Variants in ABCA13 observed in about 807,000 individuals in gnomAD.
The protein encoded by ABCA13 is ATP-binding cassette sub-family A member 13.
A neutral mutation model predicts 478.7 loss-of-function variants in ABCA13; 476 were observed. The observed-to-expected ratio is 0.99, with a 90% CI of 0.92 to 1.07. The LOEUF is 1.07. Among genes scored for constraint, ABCA13 ranks in the 50% least tolerant of loss-of-function variants. ABCA13 has a pLI of 0.00. For missense variants in ABCA13, 6,060 were observed against 5,910.6 expected (o/e 1.03, Z -0.83); for synonymous variants, 2,252 against 2,158.9 (o/e 1.04, Z -1.20).
chr7:48,596,394 C>T (rs1790277484), intron 58 of ABCA13, among the ~76,000 whole-genome samples: 1 of 152,144 alleles, frequency 6.6e-6, no homozygotes, highest in Non-Finnish European at 1.5e-5. Context: ...AACTTAACCA[C>T]TGTAAGTATG....
chr7:48,284,540 T>C lies in ABCA13; in HGVS notation c.8836+3088T>C, dbSNP rs768617541. The stretch of plus-strand genomic sequence containing the variant: ...CGTTCTTGAATGCTTATCTTCCATA[T>C]TGAATTCAGCCACGTTTGAAGACAC... On this transcript the variant is annotated intron_variant, in intron 19 of 61. Transcript: ENST00000435803. 4.9e-4 allele frequency among the ~76,000 whole-genome samples: 75 copies of C among 152,184 alleles called. 1 individual carries two copies. The highest frequency in any genetic ancestry group is 6.8e-4 in the Non-Finnish European group (46 of 68,028).
chr7:48,199,101 T>A (rs1036091501), intron 3 of ABCA13, among the ~76,000 whole-genome samples: 1 of 152,210 alleles, frequency 6.6e-6, no homozygotes, highest in African/African-American at 2.4e-5. Flanking sequence ...TTAATCTATA[T>A]TTACTAATAT....
chr7:48,623,607 C>G (rs1182674659), intron 59 of ABCA13, among the ~76,000 whole-genome samples: 1 of 152,094 alleles, frequency 6.6e-6, no homozygotes, highest in Non-Finnish European at 1.5e-5. Context: ...TGTGGGTGTT[C>G]CCAAAGTGGC....
chr7:48,241,250 A>C (rs1001335431), intron 10 of ABCA13, among the ~76,000 whole-genome samples, 184 bp downstream of exon 10: 6 of 152,000 alleles, frequency 3.9e-5, no homozygotes, highest in Admixed American at 2.6e-4. Flanking sequence ...TCTTGGCAGC[A>C]CTCTGGATGC....
intron 45 of ABCA13, among the ~76,000 whole-genome samples, chr7:48,476,422 C>A (rs1217768575): frequency 6.6e-6 from 1 of 151,596 alleles, no homozygotes; most frequent in Non-Finnish European, 1.5e-5. Flanking sequence ...TATGTGCCAG[C>A]AAGGGGAAGA....
rs151141955 is a variant in ABCA13, at chr7:48,635,520, G to A, written c.14838-7768G>A. 4.3e-3 allele frequency among the ~76,000 whole-genome samples: 655 copies of A among 152,208 alleles called. 1 individual carries two copies. Among genetic ancestry groups the A allele is most frequent in the African/African-American group, 0.015 (635 of 41,530 alleles). On this transcript the variant is annotated intron_variant, in intron 59 of 61. Coordinates refer to ENST00000435803, the MANE Select transcript of ABCA13 (RefSeq NM_152701.5). ...GAACAAGGGGGACCCCAATATTCTC[G>A]GCAATGCTGTTCTTAATTTAAAGCC...
chr7:48,389,610 G>C (rs1469350453), intron 37 of ABCA13, among the ~76,000 whole-genome samples: 3 of 152,166 alleles, frequency 2.0e-5, no homozygotes, highest in African/African-American at 7.2e-5. Context: ...TATCACAGTG[G>C]TACTTGCAAA....
chr7:48,451,363 T>C (rs985909299), intron 42 of ABCA13, among the ~76,000 whole-genome samples: 3 of 152,162 alleles, frequency 2.0e-5, no homozygotes, highest in Non-Finnish European at 4.4e-5. Context: ...ATAATAAAAC[T>C]CTTGTATTGA....
At chr7:48,225,109 GTGCC>G (rs201750881) in intron 5 of ABCA13, among the ~76,000 whole-genome samples, 10,060 of 112,808 alleles carry the variant, frequency 0.089, 1,069 homozygotes, top group Non-Finnish European at 0.11. Flanking sequence ...CCATGCGTGC[GTGCC>G]TGCCTGCCTG....
intron 56 of ABCA13, among the ~76,000 whole-genome samples, chr7:48,581,494 A>G (rs981320162): frequency 6.6e-6 from 1 of 152,138 alleles, no homozygotes; most frequent in African/African-American, 2.4e-5. Context: ...TGTTGGATCA[A>G]TTTTTAATCG....
At chr7:48,238,317 C>T (rs556727950) in intron 8 of ABCA13, among the ~76,000 whole-genome samples, 1 of 152,030 alleles carries the variant, frequency 6.6e-6, no homozygotes, top group Non-Finnish European at 1.5e-5. Context: ...GGCGGGGAGG[C>T]CACAAGCATT....
chr7:48,621,420 G>A (rs1460038056), intron 59 of ABCA13, among the ~76,000 whole-genome samples: 1 of 152,000 alleles, frequency 6.6e-6, no homozygotes, highest in Non-Finnish European at 1.5e-5. Flanking sequence ...ATGTGATTTA[G>A]GAGATAAAAT....
At chr7:48,599,738 G>T (rs1790683841) in intron 58 of ABCA13, among the ~76,000 whole-genome samples, 1 of 152,094 alleles carries the variant, frequency 6.6e-6, no homozygotes, top group Admixed American at 6.6e-5. Flanking sequence ...GCATAATTGT[G>T]GTTGTATTCC....
intron 42 of ABCA13, among the ~76,000 whole-genome samples, chr7:48,441,836 C>T (rs1033966404): frequency 8.5e-5 from 13 of 152,172 alleles, no homozygotes; most frequent in African/African-American, 3.1e-4. Context: ...TACTAAGAAT[C>T]TACTATAGAG....
Position 48,314,443 on chromosome 7 carries a change from G to T in ABCA13, c.9859+34G>T. On this transcript the variant is annotated intron_variant, in intron 26 of 61. Transcript: ENST00000435803. ...GTAGTAATATATATATATGTGTTTA[G>T]ATTCGTTTGTATCTTGATAATTGGC... The T allele has an allele frequency of 7.4e-6, 11 of 1,489,512 alleles. 1 individual carries two copies. In the South Asian group the frequency reaches 7.8e-5, roughly 11 times the overall value. The allele number at this position is 1,489,512 out of a possible 1,614,324, so 92.3% of individuals were successfully genotyped here. A position where few individuals can be genotyped will look rare whatever the true frequency, so the allele number is the denominator to read the frequency against.
chr7:48,641,090 G>A (rs962501165), intron 59 of ABCA13, among the ~76,000 whole-genome samples: 6 of 152,020 alleles, frequency 3.9e-5, no homozygotes, highest in African/African-American at 1.4e-4. Context: ...TTATTAATGT[G>A]CATATGTGCT....
At chr7:48,610,504 G>T (rs1057421317) in intron 58 of ABCA13, among the ~76,000 whole-genome samples, 1 of 152,174 alleles carries the variant, frequency 6.6e-6, no homozygotes, top group African/African-American at 2.4e-5. Context: ...TTGGAGGGTG[G>T]TAGCCCTCTT....
intron 42 of ABCA13, among the ~76,000 whole-genome samples, chr7:48,440,000 A>G (rs1303855983): frequency 2.6e-5 from 4 of 152,118 alleles, no homozygotes; most frequent in Non-Finnish European, 5.9e-5. Context: ...AATTTCCGCA[A>G]CTTGAGCCTC....
chr7:48,280,349 A>G (rs1282681837), intron 18 of ABCA13, among the ~76,000 whole-genome samples: 1 of 152,222 alleles, frequency 6.6e-6, no homozygotes, highest in Non-Finnish European at 1.5e-5. Context: ...GGAAAGGGCC[A>G]GGCAGCTGCT....
Sources: gnomAD v4.1 joint callset for allele counts (sites outside exome capture counted in the v4.1 genomes callset) on GRCh38, gnomAD v4.1.1 for gene constraint, MANE v1.5 for transcripts, NCBI Gene and HGNC (gene_info 2026-07-23, HGNC 2026-07-21) for gene names.